The following GAB3 variants were observed in gnomAD, a reference collection of about 807,000 sequenced individuals.
The protein encoded by GAB3 is GRB2 associated binding protein 3, also known as GRB2-associated-binding protein 3.
A neutral mutation model predicts 40.4 loss-of-function variants in GAB3; 12 were observed. The ratio of observed to expected loss-of-function variants is 0.30; its 90% confidence interval spans 0.19 to 0.48. GAB3 has a LOEUF of 0.48. Ranked by LOEUF, GAB3 falls within the 20% of genes least tolerant of loss-of-function variation. GAB3 has a pLI of 0.99. For missense variants in GAB3, 381 were observed against 461.9 expected, an observed-to-expected ratio of 0.82 and a Z score of 1.61; for synonymous variants, 154 against 176.7, an observed-to-expected ratio of 0.87 and a Z score of 1.02.
At chrX:154,689,260 G>A (rs1329103058) in intron 8 of GAB3, among the ~76,000 whole-genome samples, 7 of 109,908 alleles carry the variant, frequency 6.4e-5, no homozygotes, top group African/African-American at 1.3e-4. Context: ...TTGATGGGAC[G>A]GATCTCAAAA....
intron 3 of GAB3, 46 bp downstream of exon 3, chrX:154,713,161 C>A (rs1557256697): frequency 1.9e-6 from 2 of 1,056,011 alleles, no homozygotes; most frequent in South Asian, 3.7e-5. Context: ...CTCTAGAGAG[C>A]ATGCTAGCAG....
chrX:154,706,298 C>G (rs1557253580), intron 4 of GAB3, among the ~76,000 whole-genome samples: 4 of 109,150 alleles, frequency 3.7e-5, no homozygotes, highest in Non-Finnish European at 7.6e-5. Context: ...TGCGTGTAAT[C>G]CCAGCTACTC....
At chrX:154,729,357 C>T (rs945222428) in intron 1 of GAB3, among the ~76,000 whole-genome samples, 2 of 111,786 alleles carry the variant, frequency 1.8e-5, no homozygotes, top group Admixed American at 1.9e-4. Flanking sequence ...GAACCAAGCC[C>T]GGTTGGTTGC....
intron 8 of GAB3, among the ~76,000 whole-genome samples, chrX:154,692,121 A>C (rs1433328819): frequency 8.9e-6 from 1 of 111,993 alleles, no homozygotes; most frequent in Non-Finnish European, 1.9e-5. Flanking sequence ...GATTTCATGG[A>C]TATGACGCCA....
chrX:154,727,933 A>G (rs1022240740), intron 1 of GAB3, among the ~76,000 whole-genome samples: 96 of 112,173 alleles, frequency 8.6e-4, no homozygotes, highest in African/African-American at 3.0e-3. Context: ...CTTTGGCTCC[A>G]GAATTCACTC....
chrX:154,705,939 TCAAA>T (rs1403669578), intron 4 of GAB3, among the ~76,000 whole-genome samples: 2 of 111,462 alleles, frequency 1.8e-5, no homozygotes, highest in Admixed American at 9.6e-5. Flanking sequence ...TTTCTATACA[TCAAA>T]CAATGAGCTA....
intron 8 of GAB3, among the ~76,000 whole-genome samples, chrX:154,688,736 A>G (rs2070499409): frequency 8.9e-6 from 1 of 112,334 alleles, no homozygotes; most frequent in Admixed American, 9.5e-5. Flanking sequence ...TATGTCCAAC[A>G]TAATTTACCA....
intron 1 of GAB3, among the ~76,000 whole-genome samples, chrX:154,722,100 C>G (rs186683103): frequency 6.3e-5 from 7 of 111,919 alleles, no homozygotes; most frequent in Non-Finnish European, 1.3e-4. Flanking sequence ...AAATATTATT[C>G]ATCCTTAAAA....
intron 4 of GAB3, among the ~76,000 whole-genome samples, chrX:154,700,695 T>C: frequency 9.0e-6 from 1 of 111,183 alleles, no homozygotes; most frequent in Non-Finnish European, 1.9e-5. Context: ...AGAGCAACCA[T>C]AGATTAATGA....
At position 154,675,522 on chromosome X, in the gene GAB3, C is replaced by T. The variant is rs1053006022; in HGVS notation, c.*2656G>A. 1 of 112,138 alleles carries T rather than the reference C, an allele frequency of 8.9e-6. No homozygotes were observed. Among genetic ancestry groups the T allele is most frequent in the Non-Finnish European group, 1.9e-5 (1 of 53,228 alleles). 9.2% of individuals were successfully genotyped at this position (112,138 alleles called of 1,213,427 possible). The stretch of plus-strand genomic sequence containing the variant: ...AAGGCTCTTCCCTCCCCAAGGAAAG[C>T]TTAACTCCCAGTGCTCCTGGGTTTG... On this transcript the variant is annotated 3_prime_UTR_variant, in exon 10 of 10. Coordinates refer to ENST00000424127, the MANE Select transcript of GAB3 (RefSeq NM_001081573.3).
chrX:154,745,379 A>C (rs1358977395), intron 1 of GAB3, among the ~76,000 whole-genome samples: 1 of 111,321 alleles, frequency 9.0e-6, no homozygotes, highest in African/African-American at 3.3e-5. Flanking sequence ...TTATATTAGA[A>C]AATAAGAAAG....
At chrX:154,748,414 G>A (rs1013859164) in intron 1 of GAB3, among the ~76,000 whole-genome samples, 1 of 111,978 alleles carries the variant, frequency 8.9e-6, no homozygotes, top group African/African-American at 3.3e-5. Flanking sequence ...AGGTAGCGGG[G>A]TAGGGGAAAT....
intron 1 of GAB3, among the ~76,000 whole-genome samples, chrX:154,730,958 A>G (rs2071282520): frequency 8.9e-6 from 1 of 112,373 alleles, no homozygotes; most frequent in Admixed American, 9.4e-5. Context: ...CTGTATCTCT[A>G]CAGTATGGTG....
At chrX:154,731,455 A>G (rs2071289537) in intron 1 of GAB3, among the ~76,000 whole-genome samples, 1 of 112,038 alleles carries the variant, frequency 8.9e-6, no homozygotes, top group Non-Finnish European at 1.9e-5. Flanking sequence ...AGGTACTTGC[A>G]AAACATTAAG....
chrX:154,740,262 C>T (rs1185299862), intron 1 of GAB3, among the ~76,000 whole-genome samples: 3 of 111,839 alleles, frequency 2.7e-5, no homozygotes, highest in Non-Finnish European at 3.8e-5. Flanking sequence ...TATTATGAAG[C>T]TGTTATGGAC....
At position 154,682,032 on chromosome X, in the gene GAB3, G is replaced by A. The variant is rs782644421; in HGVS notation, c.1531-1784C>T. Among the ~76,000 whole-genome samples the A allele has an allele frequency of 6.3e-5, 7 of 111,993 alleles. No homozygotes were observed. In the South Asian group the frequency reaches 2.6e-3, roughly 41 times the overall value. On this transcript the variant is annotated intron_variant, in intron 8 of 9. Coordinates refer to ENST00000424127, the MANE Select transcript of GAB3 (RefSeq NM_001081573.3). ...TTCCACTTATTTCATTCTCCTTAAT[G>A]TCTTTCAATAAGTTTTAATAATTTT...
At chrX:154,715,428 CAGAGAG>C (rs202010747) in intron 2 of GAB3, among the ~76,000 whole-genome samples, 16 of 102,519 alleles carry the variant, frequency 1.6e-4, no homozygotes, top group East Asian at 6.0e-4. Flanking sequence ...GTGCGTGTGG[CAGAGAG>C]AGAGAGAGAG....
At chrX:154,679,327 C>T (rs1322296367) in intron 9 of GAB3, 2 of 316,633 alleles carry the variant, frequency 6.3e-6, no homozygotes, top group Non-Finnish European at 1.3e-5. Context: ...ACCTGGAACA[C>T]AAAGGCTCTG....
chrX:154,712,392 G>A lies in GAB3; in HGVS notation c.906C>T (p.Asp302=), dbSNP rs1557256341. The change falls in exon 4 of 10, where the codon GAC becomes GAT. Residue 302 remains aspartate (D), a synonymous_variant. Coordinates refer to ENST00000424127, the MANE Select transcript of GAB3 (RefSeq NM_001081573.3). The part of the protein sequence containing the change: ...GSLPCGAKEL[D]IMSNTPPPRP... ...GGGGAGGTGGAGTGTTGGACATAAT[G>A]TCTAGTTCTTTTGCTCCACAGGGTA... 8.3e-7 allele frequency: 1 copy of A among 1,211,708 alleles called. No individual in the cohort carries two copies. The highest frequency in any genetic ancestry group is 1.8e-5 in the South Asian group (1 of 57,004).
Sources: allele counts gnomAD v4.1 joint callset (sites outside exome capture counted in the v4.1 genomes callset), GRCh38; gene constraint gnomAD v4.1.1; transcripts MANE v1.5; gene names NCBI Gene and HGNC (gene_info 2026-07-23, HGNC 2026-07-21).